The following PLD5 variants were observed in gnomAD, a reference collection of about 807,000 sequenced individuals.
The protein encoded by PLD5 is phospholipase D family member 5, also known as inactive phospholipase D5.
In PLD5, 36 loss-of-function variants were observed where a neutral mutation model predicts 61.1. The observed-to-expected ratio is 0.59, with a 90% CI of 0.45 to 0.78. The LOEUF (loss-of-function observed/expected upper bound fraction) is 0.78, where lower values mean the gene tolerates loss of function less well. PLD5 is among the 30% of genes least tolerant of loss of function. The pLI, the probability that PLD5 is intolerant of heterozygous loss-of-function variation, is 0.00. For missense variants in PLD5, 515 were observed against 644.4 expected (o/e 0.80, Z 2.17); for synonymous variants, 243 against 242.8 (o/e 1.00, Z -0.01).
intron 2 of PLD5, among the ~76,000 whole-genome samples, chr1:242,328,601 C>T (rs1361038646): frequency 6.6e-6 from 1 of 152,132 alleles, no homozygotes; most frequent in Admixed American, 6.6e-5. Context: ...CCTTAAAACA[C>T]AGTGATGAGT....
chr1:242,126,093 G>A (rs533975675), intron 5 of PLD5, among the ~76,000 whole-genome samples: 1 of 152,108 alleles, frequency 6.6e-6, no homozygotes, highest in Non-Finnish European at 1.5e-5. Context: ...GGCATATCAG[G>A]CATGTGCAAA....
intron 1 of PLD5, among the ~76,000 whole-genome samples, chr1:242,493,595 C>T (rs758177017): frequency 1.1e-4 from 16 of 152,156 alleles, no homozygotes; most frequent in Non-Finnish European, 2.2e-4. Flanking sequence ...TGGAGGCTGC[C>T]ACATGGCCAC....
intron 7 of PLD5, among the ~76,000 whole-genome samples, chr1:242,108,319 AC>A (rs1661224639): frequency 6.6e-6 from 1 of 152,130 alleles, no homozygotes; most frequent in Admixed American, 6.5e-5. Flanking sequence ...CGACTGTCTT[AC>A]CGTGGTGTCT....
intron 9 of PLD5, 50 bp from the exon 10 acceptor site, chr1:242,090,160 C>T (rs930408384): frequency 5.6e-6 from 9 of 1,596,458 alleles, no homozygotes; most frequent in Non-Finnish European, 7.7e-6. Context: ...CCACTGGGAA[C>T]ATACCCAATA....
chr1:242,325,932 G>T (rs546241404), intron 2 of PLD5, among the ~76,000 whole-genome samples: 1 of 152,070 alleles, frequency 6.6e-6, no homozygotes, highest in Non-Finnish European at 1.5e-5. Flanking sequence ...CTGTCACCCA[G>T]CCTGTAGTGC....
At chr1:242,503,193 T>C (rs1653392948) in intron 1 of PLD5, among the ~76,000 whole-genome samples, 1 of 152,110 alleles carries the variant, frequency 6.6e-6, no homozygotes, top group Non-Finnish European at 1.5e-5. Context: ...AGGTGGGGCC[T>C]GGTGGGAGGT....
chr1:242,264,158 C>A (rs1308442471), intron 4 of PLD5, among the ~76,000 whole-genome samples: 1 of 151,936 alleles, frequency 6.6e-6, no homozygotes, highest in African/African-American at 2.4e-5. Flanking sequence ...TAGTGAGAAC[C>A]CAATTTTACA....
At chr1:242,173,133 A>G (rs1666868872) in intron 5 of PLD5, among the ~76,000 whole-genome samples, 1 of 152,208 alleles carries the variant, frequency 6.6e-6, no homozygotes, top group African/African-American at 2.4e-5. Context: ...TGCAGATGAC[A>G]TGATTGTATA....
chr1:242,286,096 G>A lies in PLD5; in HGVS notation c.495+2266C>T, dbSNP rs567617050. On this transcript the variant is annotated intron_variant, in intron 3 of 9. Coordinates refer to ENST00000536534, the MANE Select transcript of PLD5 (RefSeq NM_001372062.1). Reference sequence around the variant, plus strand: ...TACACTCCAACCTGGGCAACACAGCGAGTCTCTGTCTCCAAAAATAAAATA... The same window carrying A: ...TACACTCCAACCTGGGCAACACAGCAAGTCTCTGTCTCCAAAAATAAAATA... Among the ~76,000 whole-genome samples the A allele has an allele frequency of 2.0e-5, 3 of 152,188 alleles. No individual in the cohort carries two copies. In the East Asian group the frequency reaches 5.8e-4, roughly 29 times the overall value.
intron 2 of PLD5, among the ~76,000 whole-genome samples, chr1:242,300,531 G>A (rs1380992619): frequency 1.3e-5 from 2 of 152,020 alleles, no homozygotes; most frequent in Admixed American, 6.6e-5. Context: ...ACATCAGGGA[G>A]GCCAATGTGG....
intron 2 of PLD5, among the ~76,000 whole-genome samples, chr1:242,346,015 C>CG (rs1558483372): frequency 1.5e-5 from 1 of 65,984 alleles, no homozygotes; most frequent in Non-Finnish European, 2.9e-5. Flanking sequence ...AAAAGATCTC[C>CG]CCCCCCCCCA....
rs2102924830 is a variant in PLD5 at position 242,451,804 on chromosome 1, G to T, written c.189+72284C>A. ...CCTACTGGCTGTAAGGTAAAACCGAGACTACTCTCCATGGTATTTAAGGTC... is the reference window on the plus strand; with the variant it reads ...CCTACTGGCTGTAAGGTAAAACCGATACTACTCTCCATGGTATTTAAGGTC... On this transcript the variant is annotated intron_variant, in intron 1 of 9. Transcript: ENST00000536534. Among the ~76,000 whole-genome samples, 2 of 151,948 alleles carry T rather than the reference G, an allele frequency of 1.3e-5. 1 individual carries two copies. The highest frequency in any genetic ancestry group is 4.2e-4 in the South Asian group (2 of 4,788).
At chr1:242,343,846 A>G (rs1461415350) in intron 2 of PLD5, among the ~76,000 whole-genome samples, 1 of 152,104 alleles carries the variant, frequency 6.6e-6, no homozygotes, top group African/African-American at 2.4e-5. Flanking sequence ...GCTAGTCATG[A>G]TCTGGCAAAT....
intron 5 of PLD5, among the ~76,000 whole-genome samples, chr1:242,211,638 A>C (rs1381584814): frequency 6.6e-6 from 1 of 152,162 alleles, no homozygotes; most frequent in Non-Finnish European, 1.5e-5. Context: ...CTCATCCGTC[A>C]TGCAGCTGAG....
At chr1:242,334,142 T>C (rs915640371) in intron 2 of PLD5, among the ~76,000 whole-genome samples, 2 of 152,092 alleles carry the variant, frequency 1.3e-5, no homozygotes, top group African/African-American at 4.8e-5. Context: ...AGGAAAAAGT[T>C]TCAAGGTGGG....
At chr1:242,168,941 A>G (rs1666540407) in intron 5 of PLD5, among the ~76,000 whole-genome samples, 1 of 150,468 alleles carries the variant, frequency 6.6e-6, no homozygotes, top group South Asian at 2.1e-4. Flanking sequence ...AGACAAAGAA[A>G]AGGGAGAAGA....
intron 5 of PLD5, among the ~76,000 whole-genome samples, chr1:242,181,292 T>C (rs1662310786): frequency 6.6e-6 from 1 of 152,184 alleles, no homozygotes. Flanking sequence ...GCCTGCTCTG[T>C]CTGATACAGT....
At chr1:242,183,763 G>C (rs905989055) in intron 5 of PLD5, among the ~76,000 whole-genome samples, 3 of 144,080 alleles carry the variant, frequency 2.1e-5, no homozygotes, top group Non-Finnish European at 4.5e-5. Context: ...GCGTGGTGGC[G>C]GGCCCCTGTA....
intron 5 of PLD5, among the ~76,000 whole-genome samples, chr1:242,172,133 A>G (rs1249046579): frequency 6.6e-6 from 1 of 152,242 alleles, no homozygotes; most frequent in Non-Finnish European, 1.5e-5. Context: ...TAATTGAAGG[A>G]AAACACTCCT....
Sources: gnomAD v4.1 joint callset for allele counts (sites outside exome capture counted in the v4.1 genomes callset) on GRCh38, gnomAD v4.1.1 for gene constraint, MANE v1.5 for transcripts, NCBI Gene and HGNC (gene_info 2026-07-23, HGNC 2026-07-21) for gene names.